The following WDPCP variants were observed in gnomAD, a reference collection of about 807,000 sequenced individuals.
The protein encoded by WDPCP is WD repeat containing planar cell polarity effector, also known as WD repeat-containing and planar cell polarity effector protein fritz homolog.
Under a neutral mutation model 93.1 loss-of-function variants are expected in WDPCP, and 71 were observed. That is an observed-to-expected ratio of 0.76 (90% CI 0.63 to 0.93). The LOEUF (loss-of-function observed/expected upper bound fraction) is 0.93. Among genes scored for constraint, WDPCP ranks in the 40% least tolerant of loss-of-function variants. The pLI is 0.00. For missense variants in WDPCP, 844 were observed against 887.4 expected (o/e 0.95, Z 0.62); for synonymous variants, 315 against 315.0 (o/e 1.00, Z 0.00).
At chr2:63,800,123 C>T (rs1558913668) in intron 2 of WDPCP, among the ~76,000 whole-genome samples, 1 of 152,144 alleles carries the variant, frequency 6.6e-6, no homozygotes, top group East Asian at 1.9e-4. Flanking sequence ...ATTCACTGAT[C>T]CCAAATAAGG....
At chr2:63,282,269 G>A (rs940880439) in intron 13 of WDPCP, among the ~76,000 whole-genome samples, 4 of 152,184 alleles carry the variant, frequency 2.6e-5, no homozygotes, top group African/African-American at 9.7e-5. Flanking sequence ...CACTTTGGGA[G>A]GCTGAGGCAG....
chr2:63,699,920 GA>G (rs1414823403), intron 2 of WDPCP, among the ~76,000 whole-genome samples: 1 of 152,102 alleles, frequency 6.6e-6, no homozygotes. Context: ...AGGAGCTTCT[GA>G]AGGCTTTTGA....
chr2:63,292,449 A>G (rs1372961000), intron 13 of WDPCP, among the ~76,000 whole-genome samples: 2 of 152,058 alleles, frequency 1.3e-5, no homozygotes, highest in African/African-American at 4.8e-5. Context: ...TTAATGTGGG[A>G]TTTTATACAA....
chr2:63,121,727 A>G lies in WDPCP; in HGVS notation c.*279T>C. Reference sequence around the variant, plus strand: ...CAAAGTTTAAATATTCTATTTTTGTAGCACCTAATTAACATACAATTTAAG... The same window carrying G: ...CAAAGTTTAAATATTCTATTTTTGTGGCACCTAATTAACATACAATTTAAG... On this transcript the variant is annotated 3_prime_UTR_variant, in exon 18 of 18. Transcript: ENST00000272321. The G allele has an allele frequency of 3.1e-6, 2 of 643,118 alleles. No homozygotes were observed. The highest frequency in any genetic ancestry group is 4.5e-6 in the Non-Finnish European group (2 of 444,268). 39.8% of individuals were successfully genotyped at this position (643,118 alleles called of 1,614,324 possible). A position where few individuals can be genotyped will look rare whatever the true frequency, so the allele number is the denominator to read the frequency against.
chr2:63,751,935 T>G, intron 2 of WDPCP: 1 of 667,802 alleles, frequency 1.5e-6, no homozygotes. Flanking sequence ...TGCCACCATA[T>G]CCACCATGAC....
At chr2:63,301,316 A>T in intron 13 of WDPCP, among the ~76,000 whole-genome samples, 1 of 152,174 alleles carries the variant, frequency 6.6e-6, no homozygotes, top group East Asian at 1.9e-4. Flanking sequence ...TTCAGTCTCT[A>T]CGTTCTTTTA....
At chr2:63,563,062 T>C (rs1199325949) in intron 1 of WDPCP, among the ~76,000 whole-genome samples, 7 of 151,904 alleles carry the variant, frequency 4.6e-5, no homozygotes, top group African/African-American at 1.7e-4. Context: ...CACACACACA[T>C]ACATACATAC....
chr2:63,552,109 A>ATTTTTTTTTTTTTT (rs1705715455), intron 1 of WDPCP, among the ~76,000 whole-genome samples: 1 of 22,542 alleles, frequency 4.4e-5, no homozygotes, highest in African/African-American at 3.7e-4. Context: ...CTTTAAAACA[A>ATTTTTTTTTTTTTT]TATTTTATAT....
At chr2:63,329,563 T>A (rs1687828961) in intron 12 of WDPCP, among the ~76,000 whole-genome samples, 1 of 152,198 alleles carries the variant, frequency 6.6e-6, no homozygotes, top group Admixed American at 6.5e-5. Flanking sequence ...GCCTTGTAGA[T>A]GAAGTTGGTA....
At chr2:63,711,511 C>T (rs1261738344) in intron 2 of WDPCP, 1 of 152,240 alleles carries the variant, frequency 6.6e-6, no homozygotes, top group East Asian at 1.9e-4. Context: ...AATCCCAGAA[C>T]TTTGAGAGGC....
At chr2:63,631,075 G>A (rs908098156) in intron 3 of WDPCP, among the ~76,000 whole-genome samples, 11 of 152,146 alleles carry the variant, frequency 7.2e-5, no homozygotes, top group Non-Finnish European at 1.5e-4. Context: ...GAGGTAAGGA[G>A]TTCGACACCA....
At chr2:63,643,594 T>A (rs1710010438) in intron 3 of WDPCP, 1 of 435,726 alleles carries the variant, frequency 2.3e-6, no homozygotes, top group Non-Finnish European at 4.5e-6. Flanking sequence ...GATGAGGGGA[T>A]CAGGGTAGTG....
chr2:63,255,832 C>T (rs145587297), intron 14 of WDPCP, among the ~76,000 whole-genome samples: 13 of 151,846 alleles, frequency 8.6e-5, no homozygotes, highest in South Asian at 2.1e-4. Flanking sequence ...CATTAATAAG[C>T]GAATTTATCA....
chr2:63,355,713 C>T (rs1015301209), intron 12 of WDPCP, among the ~76,000 whole-genome samples: 4 of 151,998 alleles, frequency 2.6e-5, no homozygotes, highest in Non-Finnish European at 4.4e-5. Context: ...GACCCCCCAA[C>T]CCCCATCTCT....
intron 1 of WDPCP, among the ~76,000 whole-genome samples, chr2:63,549,771 AAAC>A (rs1480141925): frequency 6.6e-6 from 1 of 152,214 alleles, no homozygotes; most frequent in East Asian, 1.9e-4. Context: ...CATCTCAAAA[AAAC>A]AAAAACAACA....
intron 2 of WDPCP, among the ~76,000 whole-genome samples, chr2:63,708,063 A>G (rs1669195455): frequency 6.6e-6 from 1 of 152,124 alleles, no homozygotes; most frequent in African/African-American, 2.4e-5. Context: ...CAGTTAGGCT[A>G]CTTGGGGGTC....
At position 63,439,749 on chromosome 2, in the gene WDPCP, G is replaced by T. The variant is rs1163971851; in HGVS notation, c.499+8C>A. ...GTAGGCAATTGATTTGCACATGGGG[G>T]TAATTACCATCACTGATGGTGTCTG... On this transcript the variant is annotated splice_region_variant and intron_variant, in intron 7 of 17. Coordinates refer to ENST00000272321, the MANE Select transcript of WDPCP (RefSeq NM_015910.7). The T allele has an allele frequency of 5.0e-6, 8 of 1,607,634 alleles. No individual in the cohort carries two copies. The highest frequency in any genetic ancestry group is 6.8e-6 in the Non-Finnish European group (8 of 1,174,532).
chr2:63,352,623 G>A (rs1332565245), intron 12 of WDPCP, among the ~76,000 whole-genome samples: 1 of 152,132 alleles, frequency 6.6e-6, no homozygotes, highest in African/African-American at 2.4e-5. Context: ...CCTGAATACA[G>A]TTCAATATTC....
At chr2:63,730,309 T>C (rs1256249787) in intron 2 of WDPCP, among the ~76,000 whole-genome samples, 1 of 152,064 alleles carries the variant, frequency 6.6e-6, no homozygotes, top group African/African-American at 2.4e-5. Flanking sequence ...GCTATCTGAC[T>C]CCAAAAACCC....
Sources: allele counts gnomAD v4.1 joint callset (sites outside exome capture counted in the v4.1 genomes callset), GRCh38; gene constraint gnomAD v4.1.1; transcripts MANE v1.5; gene names NCBI Gene and HGNC (gene_info 2026-07-23, HGNC 2026-07-21).